NRXN3: variants seen among roughly 807,000 people sequenced by gnomAD.
NRXN3 encodes the protein neurexin III.
In NRXN3, 32 loss-of-function variants were observed where a neutral mutation model predicts 137.6. The observed-to-expected ratio is 0.23, with a 90% CI of 0.18 to 0.31. NRXN3 has a LOEUF of 0.31. Ranked by LOEUF, NRXN3 falls within the 10% of genes least tolerant of loss-of-function variation. NRXN3 has a pLI of 1.00. For missense variants in NRXN3, 1,574 were observed against 2,062.5 expected (o/e 0.76, Z 4.59); for synonymous variants, 798 against 784.5 (o/e 1.02, Z -0.29).
intron 1 of NRXN3, among the ~76,000 whole-genome samples, chr14:78,240,815 T>C (rs1336993341): frequency 3.3e-5 from 5 of 152,194 alleles, no homozygotes; most frequent in Non-Finnish European, 5.9e-5. Context: ...AGGTGTTTGT[T>C]CCTGGTTAAG....
At chr14:78,965,942 G>C (rs2099416604) in intron 11 of NRXN3, 83 bp from the exon 12 acceptor site, 1 of 1,467,550 alleles carries the variant, frequency 6.8e-7, no homozygotes. Flanking sequence ...GTGGAAACAG[G>C]TTACACCCAA....
chr14:78,456,412 A>G (rs17107646), intron 4 of NRXN3, among the ~76,000 whole-genome samples: 6,018 of 152,296 alleles, frequency 0.04, 369 homozygotes, highest in African/African-American at 0.13. Flanking sequence ...ATGGAAACAC[A>G]GGTATGTAAA....
rs1567851177 is a variant in NRXN3 at position 78,968,053 on chromosome 14, C to CTT, written c.2969-120_2969-119insTT. 2.3e-4 allele frequency: 14 copies of CTT among 61,920 alleles called. 2 individuals are homozygous for CTT. Among genetic ancestry groups the CTT allele is most frequent in the African/African-American group, 5.3e-4 (12 of 22,772 alleles). The allele number at this position is 61,920 out of a possible 1,614,324, so 3.8% of individuals were successfully genotyped here. ...TGCTTATCTCATTTATGCTGTCCCCCCCCCCCCCCCCCAGCTATCTTATTC... is the reference window on the plus strand; with the variant it reads ...TGCTTATCTCATTTATGCTGTCCCCCTTCCCCCCCCCCCCAGCTATCTTATTC... On this transcript the variant is annotated intron_variant, in intron 13 of 20. Transcript: ENST00000335750.
chr14:78,697,469 A>G (rs2098238256), intron 6 of NRXN3, among the ~76,000 whole-genome samples: 1 of 152,042 alleles, frequency 6.6e-6, no homozygotes, highest in Non-Finnish European at 1.5e-5. Flanking sequence ...ACCCAAGATC[A>G]AAGGCTTAGA....
chr14:79,094,406 T>C (rs1461432986), intron 15 of NRXN3, among the ~76,000 whole-genome samples: 2 of 152,226 alleles, frequency 1.3e-5, no homozygotes, highest in East Asian at 1.9e-4. Flanking sequence ...TGCTTCTGTA[T>C]GTGTGCATTT....
intron 6 of NRXN3, among the ~76,000 whole-genome samples, chr14:78,665,671 A>G (rs955265115): frequency 2.0e-5 from 3 of 152,186 alleles, no homozygotes; most frequent in Non-Finnish European, 4.4e-5. Flanking sequence ...ACTCAGTTAC[A>G]CACACAAAAC....
intron 8 of NRXN3, among the ~76,000 whole-genome samples, chr14:78,784,081 AC>A (rs144940831): frequency 0.022 from 3,212 of 144,708 alleles, 123 homozygotes; most frequent in African/African-American, 0.081. Flanking sequence ...AAAAAAAAAA[AC>A]AACACCAAAC....
intron 15 of NRXN3, among the ~76,000 whole-genome samples, chr14:79,408,974 A>G (rs2095364799): frequency 1.3e-5 from 2 of 152,096 alleles, no homozygotes; most frequent in African/African-American, 4.8e-5. Flanking sequence ...GGCCATTAGA[A>G]TAGTTACCAG....
At chr14:78,845,979 C>T (rs2099025874) in intron 10 of NRXN3, among the ~76,000 whole-genome samples, 1 of 151,324 alleles carries the variant, frequency 6.6e-6, no homozygotes, top group Non-Finnish European at 1.5e-5. Context: ...TCAGCCAACG[C>T]TTTAGAGATC....
chr14:79,548,282 T>C (rs1342724827), intron 16 of NRXN3, among the ~76,000 whole-genome samples: 2 of 152,182 alleles, frequency 1.3e-5, no homozygotes, highest in African/African-American at 4.8e-5. Context: ...AGTGAGAACA[T>C]GCAGTGTTTG....
At chr14:79,673,663 T>TTGAA (rs1376313459) in intron 17 of NRXN3, among the ~76,000 whole-genome samples, 16 of 152,118 alleles carry the variant, frequency 1.1e-4, no homozygotes, top group Non-Finnish European at 2.2e-4. Flanking sequence ...CAAACATTTG[T>TTGAA]TCCACATCTA....
intron 10 of NRXN3, among the ~76,000 whole-genome samples, chr14:78,854,915 A>G (rs1011243857): frequency 6.6e-6 from 1 of 152,146 alleles, no homozygotes; most frequent in African/African-American, 2.4e-5. Context: ...AATTAAGCGT[A>G]TATAAAAATA....
intron 15 of NRXN3, among the ~76,000 whole-genome samples, chr14:79,425,395 G>T (rs2095640736): frequency 6.6e-6 from 1 of 152,132 alleles, no homozygotes; most frequent in South Asian, 2.1e-4. Context: ...AATCAGGTTG[G>T]ATTCTTAGAA....
intron 19 of NRXN3, among the ~76,000 whole-genome samples, chr14:79,773,113 A>G (rs1331131189): frequency 1.3e-5 from 2 of 152,306 alleles, no homozygotes; most frequent in South Asian, 4.1e-4. Flanking sequence ...GCAATCATTA[A>G]AAAGTCAGGA....
At chr14:78,489,266 C>G (rs2095621118) in intron 4 of NRXN3, among the ~76,000 whole-genome samples, 1 of 152,144 alleles carries the variant, frequency 6.6e-6, no homozygotes, top group Admixed American at 6.5e-5. Flanking sequence ...GTTTATGGAC[C>G]TGAAGCTCTT....
At chr14:79,378,044 C>CCCT (rs2094356615) in intron 15 of NRXN3, among the ~76,000 whole-genome samples, 1 of 152,162 alleles carries the variant, frequency 6.6e-6, no homozygotes, top group African/African-American at 2.4e-5. Context: ...TTGTCATGGC[C>CCCT]TCAGGCTAAT....
chr14:78,966,178 A>G lies in NRXN3; in HGVS notation c.2549A>G (p.Lys850Arg). The stretch of plus-strand genomic sequence containing the variant: ...GGCCTTCTCTACATTGACTTGTGCA[A>G]AAATGGTGACATTGATTATTGTGAG... ...FNGLLYIDLC[K>R]NGDIDYCELK... Residue 850 changes from lysine to arginine, a missense_variant, in exon 12 of 21, where the codon AAA becomes AGA. Coordinates refer to ENST00000335750, the MANE Select transcript of NRXN3 (RefSeq NM_001330195.2). The G allele has an allele frequency of 1.2e-6, 2 of 1,614,202 alleles. No individual in the cohort carries two copies. Among genetic ancestry groups the G allele is most frequent in the Non-Finnish European group, 1.7e-6 (2 of 1,180,038 alleles).
chr14:79,584,629 C>T (rs189526274), intron 16 of NRXN3, among the ~76,000 whole-genome samples: 19 of 152,248 alleles, frequency 1.2e-4, no homozygotes, highest in African/African-American at 4.8e-5. Flanking sequence ...TATACAGATT[C>T]GGAGAATAGA....
Position 79,489,574 on chromosome 14 carries a change from T to A in NRXN3, c.3444+22172T>A, listed in dbSNP as rs111528398. 5.3e-5 allele frequency among the ~76,000 whole-genome samples: 8 copies of A among 152,308 alleles called. 2 individuals carry two copies. The highest frequency in any genetic ancestry group is 1.9e-4 in the African/African-American group (8 of 41,576). ...TAGCCTAGAATAAGCATGAAGGACCTCCTTTCAGAATCTTGTTTATGTAAA... is the reference window on the plus strand; with the variant it reads ...TAGCCTAGAATAAGCATGAAGGACCACCTTTCAGAATCTTGTTTATGTAAA... On this transcript the variant is annotated intron_variant, in intron 16 of 20. Coordinates refer to ENST00000335750, the MANE Select transcript of NRXN3 (RefSeq NM_001330195.2).
Sources: allele counts gnomAD v4.1 joint callset (sites outside exome capture counted in the v4.1 genomes callset), GRCh38; gene constraint gnomAD v4.1.1; transcripts MANE v1.5; gene names NCBI Gene and HGNC (gene_info 2026-07-23, HGNC 2026-07-21).